NDUFB2: variants seen among roughly 807,000 people sequenced by gnomAD.
The protein encoded by NDUFB2 is NADH dehydrogenase [ubiquinone] 1 beta subcomplex subunit 2, mitochondrial.
NDUFB2 carries 13 observed loss-of-function variants against 13.4 expected under a neutral mutation model. The ratio of observed to expected loss-of-function variants is 0.97; its 90% CI spans 0.63 to 1.54. NDUFB2 has a LOEUF of 1.54. NDUFB2 is among the 40% of genes most tolerant of loss of function. The pLI is 0.00. For missense variants in NDUFB2, 150 were observed against 139.7 expected (o/e 1.07, Z -0.37); for synonymous variants, 47 against 50.6 (o/e 0.93, Z 0.30).
At chr7:140,702,315 T>C (rs1351779726) in intron 1 of NDUFB2, among the ~76,000 whole-genome samples, 2 of 152,232 alleles carry the variant, frequency 1.3e-5, no homozygotes, top group Non-Finnish European at 2.9e-5. Context: ...GTGCCACAAC[T>C]TGTCAAGTGT....
intron 1 of NDUFB2, among the ~76,000 whole-genome samples, chr7:140,698,929 G>A (rs970431279): frequency 1.3e-5 from 2 of 152,220 alleles, no homozygotes; most frequent in Admixed American, 6.5e-5. Flanking sequence ...AGGCTGAGGC[G>A]GGCGGATCAC....
At chr7:140,703,244 G>C (rs1311876041) in intron 2 of NDUFB2, among the ~76,000 whole-genome samples, 1 of 150,120 alleles carries the variant, frequency 6.7e-6, no homozygotes, top group Non-Finnish European at 1.5e-5. Flanking sequence ...GTTTCTGTTA[G>C]GTTGCCATCT....
At chr7:140,700,413 G>A (rs930372496) in intron 1 of NDUFB2, among the ~76,000 whole-genome samples, 2 of 150,594 alleles carry the variant, frequency 1.3e-5, no homozygotes, top group Non-Finnish European at 3.0e-5. Flanking sequence ...ATAAGCCACC[G>A]TGTCCGGCCT....
At chr7:140,703,273 A>AT (rs10597210) in intron 2 of NDUFB2, among the ~76,000 whole-genome samples, 7,881 of 120,290 alleles carry the variant, frequency 0.066, 393 homozygotes, top group South Asian at 0.099. Context: ...CTAAAAGCTC[A>AT]TTTTTTTTTT....
chr7:140,697,692 C>T (rs1380573596), intron 1 of NDUFB2, among the ~76,000 whole-genome samples: 1 of 152,134 alleles, frequency 6.6e-6, no homozygotes, highest in African/African-American at 2.4e-5. Context: ...ATTCTGGCCG[C>T]ACAGTGGCTG....
chr7:140,699,459 C>CG (rs1563214523), intron 1 of NDUFB2, among the ~76,000 whole-genome samples: 1 of 152,176 alleles, frequency 6.6e-6, no homozygotes, highest in Admixed American at 6.5e-5. Flanking sequence ...ACAGGTCCAA[C>CG]GCAGGTAATG....
intron 2 of NDUFB2, among the ~76,000 whole-genome samples, chr7:140,704,516 G>T (rs1237118816): frequency 6.6e-6 from 1 of 152,178 alleles, no homozygotes; most frequent in African/African-American, 2.4e-5. Flanking sequence ...GTAATGTTAG[G>T]AGAGTTGGAA....
intron 1 of NDUFB2, among the ~76,000 whole-genome samples, chr7:140,697,761 C>T (rs1347955582): frequency 6.6e-6 from 1 of 152,190 alleles, no homozygotes; most frequent in Non-Finnish European, 1.5e-5. Context: ...GTTTCTTATT[C>T]TCTTAATGCC....
In NDUFB2 at chr7:140,702,969, T is replaced by G; in HGVS notation, c.202T>G (p.Trp68Gly). The G allele has an allele frequency of 6.2e-7, 1 of 1,614,094 alleles. No homozygotes were observed. Among genetic ancestry groups the G allele is most frequent in the South Asian group, 1.1e-5 (1 of 91,080 alleles). ...GTTCTTCAGCGGACTCATGTGGTTC[T>G]GGATTCTCTGGCGCTTTTGGCATGA... The part of the protein sequence containing the change: ...SEFFSGLMWF[W>G]ILWRFWHDSE... The change falls in exon 2 of 4, where the codon TGG becomes GGG. Residue 68 changes from tryptophan (W) to glycine (G), a missense_variant. Coordinates refer to ENST00000247866, the MANE Select transcript of NDUFB2 (RefSeq NM_004546.3).
At chr7:140,702,294 T>G (rs1461361506) in intron 1 of NDUFB2, among the ~76,000 whole-genome samples, 2 of 152,262 alleles carry the variant, frequency 1.3e-5, no homozygotes, top group East Asian at 3.8e-4. Context: ...ACTATAACTC[T>G]TATGGACTCT....
intron 3 of NDUFB2, among the ~76,000 whole-genome samples, chr7:140,705,827 A>G (rs946090005): frequency 6.6e-6 from 1 of 152,160 alleles, no homozygotes; most frequent in Non-Finnish European, 1.5e-5. Context: ...GAGTATTACT[A>G]TATAGAACTA....
chr7:140,705,782 C>T (rs942784109), intron 3 of NDUFB2: 6 of 152,170 alleles, frequency 3.9e-5, no homozygotes, highest in Non-Finnish European at 8.8e-5. Flanking sequence ...ACTACAGTGT[C>T]CTGCTCTCAA....
At chr7:140,697,058 T>C in intron 1 of NDUFB2, 1 of 596,436 alleles carries the variant, frequency 1.7e-6, no homozygotes. Context: ...TGGGACACCG[T>C]GTGCAGGGCC....
rs1473416251 is a variant in NDUFB2, at chr7:140,696,778, C to A, written c.34C>A (p.Arg12Ser). ...SALTRLASFA[R>S]VGGRLFRSGC... ...TCTGACTCGGCTGGCGTCTTTCGCT[C>A]GCGTTGGAGGCCGCCTTTTCAGAAG... The change falls in exon 1 of 4, where the codon CGC becomes AGC. Residue 12 changes from arginine to serine, a missense_variant. Arg to Ser is a moderately radical substitution (Grantham distance 110). Coordinates refer to ENST00000247866, the MANE Select transcript of NDUFB2 (RefSeq NM_004546.3). 2.5e-6 allele frequency: 4 copies of A among 1,606,298 alleles called. No homozygotes were observed. The highest frequency in any genetic ancestry group is 3.4e-6 in the Non-Finnish European group (4 of 1,177,080).
At chr7:140,697,371 G>T (rs952640651) in intron 1 of NDUFB2, 5 of 702,820 alleles carry the variant, frequency 7.1e-6, no homozygotes, top group African/African-American at 3.5e-5. Context: ...GGAGGCTGTC[G>T]CCCAGAGAGA....
At chr7:140,696,893 C>T (rs888184370) in intron 1 of NDUFB2, 51 bp downstream of exon 1, 60 of 1,519,082 alleles carry the variant, frequency 3.9e-5, no homozygotes, top group Non-Finnish European at 5.1e-5. Context: ...GCGGACAGCG[C>T]GGGTCCCTGG....
intron 1 of NDUFB2, among the ~76,000 whole-genome samples, chr7:140,699,459 C>T (rs912631386): frequency 2.6e-5 from 4 of 152,176 alleles, no homozygotes; most frequent in Non-Finnish European, 5.9e-5. Context: ...ACAGGTCCAA[C>T]GCAGGTAATG....
At chr7:140,703,140 A>G (rs1041626269) in intron 2 of NDUFB2, 130 bp downstream of exon 2, 5 of 1,062,544 alleles carry the variant, frequency 4.7e-6, no homozygotes, top group South Asian at 3.2e-5. Context: ...CTTTTTCCAT[A>G]TGTATATACA....
chr7:140,701,133 A>T (rs994694860), intron 1 of NDUFB2: 1 of 152,232 alleles, frequency 6.6e-6, no homozygotes, highest in Non-Finnish European at 1.5e-5. Flanking sequence ...TCATTTCAAT[A>T]TGGTAACATT....
Sources: gnomAD v4.1 joint callset for allele counts (sites outside exome capture counted in the v4.1 genomes callset) on GRCh38, gnomAD v4.1.1 for gene constraint, MANE v1.5 for transcripts, NCBI Gene and HGNC (gene_info 2026-07-23, HGNC 2026-07-21) for gene names.